NSG1: variants seen among roughly 807,000 people sequenced by gnomAD.
The protein encoded by NSG1 is neuronal vesicle trafficking-associated protein 1.
NSG1 carries 9 observed loss-of-function variants against 19.3 expected under a neutral mutation model. That is an observed-to-expected ratio of 0.47 (90% CI 0.28 to 0.81). NSG1 has a LOEUF of 0.81. Ranked by LOEUF, NSG1 falls within the 40% of genes least tolerant of loss-of-function variation. The pLI is 0.11. For synonymous variants in NSG1, 104 were observed against 107.0 expected (o/e 0.97, Z 0.17); for missense variants, 236 against 242.4 (o/e 0.97, Z 0.18).
At chr4:4,392,030 C>G (rs1723020105) in intron 3 of NSG1, among the ~76,000 whole-genome samples, 1 of 152,224 alleles carries the variant, frequency 6.6e-6, no homozygotes, top group South Asian at 2.1e-4. Flanking sequence ...TCCTGGCACA[C>G]CAGTACTATC....
chr4:4,397,346 C>T (rs1218502835), intron 3 of NSG1, among the ~76,000 whole-genome samples: 1 of 152,098 alleles, frequency 6.6e-6, no homozygotes, highest in Non-Finnish European at 1.5e-5. Flanking sequence ...GATGGTTGAC[C>T]CTGCTGTCCT....
intron 3 of NSG1, among the ~76,000 whole-genome samples, chr4:4,397,027 G>A (rs1007101500): frequency 8.7e-6 from 1 of 114,530 alleles, no homozygotes; most frequent in Non-Finnish European, 1.8e-5. Context: ...GATACCACGT[G>A]GGTTCAGTCA....
intron 4 of NSG1, chr4:4,415,912 G>A: frequency 1.7e-6 from 1 of 578,552 alleles, no homozygotes; most frequent in Non-Finnish European, 3.1e-6. Flanking sequence ...CCTTCCTGAT[G>A]CACGCGCTGC....
Position 4,417,340 on chromosome 4 carries a change from C to G in NSG1, c.463C>G (p.Gln155Glu). 6.2e-7 allele frequency: 1 copy of G among 1,614,162 alleles called. No homozygotes were observed. The highest frequency in any genetic ancestry group is 1.3e-5 in the African/African-American group (1 of 75,046). Residue 155 changes from glutamine (Q) to glutamate (E), a missense_variant, in exon 5 of 5, where the codon CAG (glutamine) becomes GAG (glutamate). Coordinates refer to ENST00000621129, the MANE Select transcript of NSG1 (RefSeq NM_014392.5). ...CATAAACCACTACAACCTGGCCAAG[C>G]AGAGCATCACGCGCTCCGTATCGCC... Reference protein sequence around the residue: ...TVINHYNLAKQSITRSVSPWM... With the variant: ...TVINHYNLAKESITRSVSPWM...
chr4:4,412,841 C>T (rs1434797824), intron 4 of NSG1, among the ~76,000 whole-genome samples: 1 of 152,220 alleles, frequency 6.6e-6, no homozygotes, highest in Non-Finnish European at 1.5e-5. Context: ...GTTTCTAGCA[C>T]TGAGCACGTG....
rs1378713826 is a variant in NSG1 at position 4,387,751 on chromosome 4, C to T, written c.122C>T (p.Pro41Leu). 6.2e-7 allele frequency: 1 copy of T among 1,607,278 alleles called. No individual in the cohort carries two copies. The highest frequency in any genetic ancestry group is 2.2e-5 in the East Asian group (1 of 44,690). Reference sequence around the variant, plus strand: ...GTCAATCAGCTGCAGTTCCCGCCCCCGGATAAGGTAAGCCCCCCCACGCCC... The same window carrying T: ...GTCAATCAGCTGCAGTTCCCGCCCCTGGATAAGGTAAGCCCCCCCACGCCC... ...LDVNQLQFPP[P>L]DKVVVKTKTE... The change falls in exon 2 of 5, where the codon CCG becomes CTG. Residue 41 changes from proline (P) to leucine (L), a missense_variant. By Grantham distance (98) the Pro-to-Leu change is moderately conservative (BLOSUM62 -3). Coordinates refer to ENST00000621129, the MANE Select transcript of NSG1 (RefSeq NM_014392.5).
At chr4:4,398,004 A>G (rs1723354762) in intron 3 of NSG1, among the ~76,000 whole-genome samples, 1 of 151,922 alleles carries the variant, frequency 6.6e-6, no homozygotes, top group Admixed American at 6.6e-5. Context: ...CCCAGGCTGG[A>G]GTGCAGTGGC....
intron 3 of NSG1, among the ~76,000 whole-genome samples, chr4:4,403,093 C>T (rs190281870): frequency 6.6e-6 from 1 of 152,262 alleles, no homozygotes; most frequent in East Asian, 1.9e-4. Context: ...GCTGGTTGTA[C>T]TCACTCACTC....
At chr4:4,405,883 C>A (rs372673961) in intron 3 of NSG1, among the ~76,000 whole-genome samples, 1 of 152,056 alleles carries the variant, frequency 6.6e-6, no homozygotes, top group African/African-American at 2.4e-5. Context: ...GAGGACACCC[C>A]CGAGGAGGTG....
At chr4:4,390,238 G>A (rs888076530) in intron 2 of NSG1, among the ~76,000 whole-genome samples, 1 of 152,224 alleles carries the variant, frequency 6.6e-6, no homozygotes, top group Non-Finnish European at 1.5e-5. Context: ...ACAGGGGTGG[G>A]TGCCCAGGCC....
chr4:4,406,930 G>A (rs140453670), intron 3 of NSG1, among the ~76,000 whole-genome samples: 402 of 152,308 alleles, frequency 2.6e-3, no homozygotes, highest in Non-Finnish European at 4.2e-3. Context: ...AGACGGCTGC[G>A]CCTTCTTTCT....
intron 4 of NSG1, among the ~76,000 whole-genome samples, chr4:4,410,058 C>T (rs375690073): frequency 1.3e-4 from 20 of 152,292 alleles, no homozygotes; most frequent in African/African-American, 4.3e-4. Flanking sequence ...GGACCATGTC[C>T]GCCACATGAA....
chr4:4,396,689 C>T (rs1422878444), intron 3 of NSG1, among the ~76,000 whole-genome samples: 35 of 138,304 alleles, frequency 2.5e-4, no homozygotes, highest in Admixed American at 2.4e-3. Flanking sequence ...GCGTGCCCAT[C>T]TGTTTCCACA....
intron 4 of NSG1, chr4:4,415,906 C>T: frequency 1.7e-6 from 1 of 571,632 alleles, no homozygotes; most frequent in Non-Finnish European, 3.1e-6. Context: ...GAGCCTCCTT[C>T]CTGATGCACG....
chr4:4,416,025 G>A (rs6835974), intron 4 of NSG1: 1 of 695,602 alleles, frequency 1.4e-6, no homozygotes, highest in African/African-American at 1.8e-5. Flanking sequence ...TACTTCAGTG[G>A]TGTCTTTTGG....
intron 3 of NSG1, among the ~76,000 whole-genome samples, chr4:4,392,676 A>G (rs1487541409): frequency 6.6e-6 from 1 of 152,186 alleles, no homozygotes; most frequent in Non-Finnish European, 1.5e-5. Flanking sequence ...CCGTTGCCAC[A>G]CACTGCCTGT....
intron 3 of NSG1, among the ~76,000 whole-genome samples, chr4:4,404,381 C>T (rs1425364873): frequency 6.6e-6 from 1 of 152,232 alleles, no homozygotes; most frequent in Non-Finnish European, 1.5e-5. Context: ...CCTGCACACC[C>T]CATCATAGAC....
intron 3 of NSG1, among the ~76,000 whole-genome samples, chr4:4,408,341 G>A (rs1389434030): frequency 6.6e-6 from 1 of 152,170 alleles, no homozygotes; most frequent in Non-Finnish European, 1.5e-5. Context: ...ATGTTCATAC[G>A]ATTACGGAGG....
At chr4:4,390,166 C>T (rs1238845608) in intron 2 of NSG1, among the ~76,000 whole-genome samples, 1 of 152,168 alleles carries the variant, frequency 6.6e-6, no homozygotes, top group Non-Finnish European at 1.5e-5. Flanking sequence ...CTAGTTGGGT[C>T]CAGTCGGGGT....
Sources: gnomAD v4.1 joint callset for allele counts (sites outside exome capture counted in the v4.1 genomes callset) on GRCh38, gnomAD v4.1.1 for gene constraint, MANE v1.5 for transcripts, NCBI Gene and HGNC (gene_info 2026-07-23, HGNC 2026-07-21) for gene names.